The following SLC10A7 variants were observed in gnomAD, a reference collection of about 807,000 sequenced individuals.
The protein encoded by SLC10A7 is solute carrier family 10 member 7.
SLC10A7 carries 29 observed loss-of-function variants against 43.2 expected under a neutral mutation model. That is an observed-to-expected ratio of 0.67 (90% CI 0.50 to 0.92). The LOEUF (loss-of-function observed/expected upper bound fraction) is 0.92. Among genes scored for constraint, SLC10A7 ranks in the 40% least tolerant of loss-of-function variants. The pLI, the probability that SLC10A7 is intolerant of heterozygous loss-of-function variation, is 0.00. For missense variants in SLC10A7, 295 were observed against 403.2 expected (o/e 0.73, Z 2.30); for synonymous variants, 152 against 144.8 (o/e 1.05, Z -0.35).
chr4:146,345,403 A>G (rs570359284), intron 5 of SLC10A7, among the ~76,000 whole-genome samples: 2 of 152,294 alleles, frequency 1.3e-5, no homozygotes, highest in South Asian at 2.1e-4. Context: ...GACGAATATT[A>G]TAACTGTGGT....
intron 5 of SLC10A7, among the ~76,000 whole-genome samples, chr4:146,357,156 T>C (rs896608921): frequency 6.6e-6 from 1 of 152,220 alleles, no homozygotes. Context: ...CATACGTATG[T>C]ATGTGCATGT....
intron 1 of SLC10A7, 99 bp downstream of exon 1, chr4:146,521,519 G>T: frequency 1.0e-6 from 1 of 964,310 alleles, no homozygotes; most frequent in Non-Finnish European, 1.6e-6. Context: ...CCCTGAAATT[G>T]GCAAGCGCTT....
intron 4 of SLC10A7, among the ~76,000 whole-genome samples, chr4:146,464,494 T>C (rs1370776192): frequency 1.3e-5 from 2 of 152,062 alleles, no homozygotes; most frequent in Non-Finnish European, 2.9e-5. Flanking sequence ...GAACATAAAA[T>C]TTTATTAAAT....
At chr4:146,353,410 A>T (rs1735295042) in intron 5 of SLC10A7, among the ~76,000 whole-genome samples, 1 of 142,672 alleles carries the variant, frequency 7.0e-6, no homozygotes, top group Non-Finnish European at 1.5e-5. Flanking sequence ...TTACCAACCA[A>T]AAAGATTCCA....
At chr4:146,404,222 GT>G (rs1167830477) in intron 5 of SLC10A7, among the ~76,000 whole-genome samples, 3 of 151,972 alleles carry the variant, frequency 2.0e-5, no homozygotes, top group Non-Finnish European at 2.9e-5. Context: ...GTCTCCCTGG[GT>G]TTCCTAGGCT....
chr4:146,256,821 G>A (rs755886158), intron 11 of SLC10A7: 6 of 1,525,034 alleles, frequency 3.9e-6, no homozygotes, highest in Admixed American at 2.0e-5. Flanking sequence ...GGCACTCATG[G>A]ATACCTGGAG....
chr4:146,415,975 A>T (rs79874512), intron 5 of SLC10A7, among the ~76,000 whole-genome samples: 2,001 of 152,240 alleles, frequency 0.013, 18 homozygotes, highest in Non-Finnish European at 0.021. Context: ...TTTCAATCCA[A>T]TTCCAACAAA....
In SLC10A7 at chr4:146,412,272, G is replaced by C. The variant is rs552639771; in HGVS notation, c.435+30511C>G. On this transcript the variant is annotated intron_variant, in intron 5 of 11. Transcript: ENST00000335472. Reference sequence around the variant, plus strand: ...TTATCAATAGATAATTTTAAAACAAGTTACTAATTAATGTTGTCATTCTTT... The same window carrying C: ...TTATCAATAGATAATTTTAAAACAACTTACTAATTAATGTTGTCATTCTTT... 3.3e-4 allele frequency among the ~76,000 whole-genome samples: 50 copies of C among 152,190 alleles called. 1 individual carries two copies. The South Asian group carries it at 1.0e-2, about 30-fold the overall frequency.
At chr4:146,267,373 C>A (rs563945671) in intron 10 of SLC10A7, among the ~76,000 whole-genome samples, 1 of 152,242 alleles carries the variant, frequency 6.6e-6, no homozygotes, top group East Asian at 1.9e-4. Flanking sequence ...TCTGACTATT[C>A]TAGGACTTTC....
chr4:146,374,960 C>T lies in SLC10A7; in HGVS notation c.436-48964G>A, dbSNP rs145442235. Among the ~76,000 whole-genome samples, 8 of 152,244 alleles carry T rather than the reference C, an allele frequency of 5.3e-5. No individual in the cohort carries two copies. In the East Asian group the frequency reaches 9.7e-4, roughly 18 times the overall value. ...GTGGCTTACGCCTGTAATCCTAGCA[C>T]TTTGGGAGGCTGAGGCAGATGGATC... On this transcript the variant is annotated intron_variant, in intron 5 of 11. Transcript: ENST00000335472.
intron 11 of SLC10A7, 198 bp from the exon 12 acceptor site, chr4:146,256,718 C>CT: frequency 2.9e-6 from 3 of 1,035,840 alleles, no homozygotes; most frequent in Non-Finnish European, 4.2e-6. Flanking sequence ...TTGTCATTTC[C>CT]CCTCCCACAC....
intron 5 of SLC10A7, among the ~76,000 whole-genome samples, chr4:146,334,012 T>C (rs988463463): frequency 1.3e-5 from 2 of 152,034 alleles, no homozygotes; most frequent in African/African-American, 2.4e-5. Context: ...ACTGTTCAAT[T>C]AAGTTTGTGG....
intron 4 of SLC10A7, among the ~76,000 whole-genome samples, chr4:146,490,139 T>A (rs1162761708): frequency 6.6e-6 from 1 of 152,156 alleles, no homozygotes; most frequent in Non-Finnish European, 1.5e-5. Flanking sequence ...CCAGTTCTCA[T>A]TTTTCATACC....
chr4:146,464,440 T>C (rs1732821264), intron 4 of SLC10A7, among the ~76,000 whole-genome samples: 1 of 152,138 alleles, frequency 6.6e-6, no homozygotes, highest in Admixed American at 6.6e-5. Context: ...GAATACATAA[T>C]GCTTCTGTAA....
chr4:146,415,286 T>C (rs371942508), intron 5 of SLC10A7, among the ~76,000 whole-genome samples: 1 of 152,234 alleles, frequency 6.6e-6, no homozygotes, highest in South Asian at 2.1e-4. Context: ...AACTGGATTC[T>C]GGCTGTGGTT....
intron 6 of SLC10A7, among the ~76,000 whole-genome samples, chr4:146,320,740 A>AT (rs957698197): frequency 6.6e-6 from 1 of 151,632 alleles, no homozygotes; most frequent in Admixed American, 6.6e-5. Context: ...AGATGCTAAC[A>AT]TTTTTTTTGG....
chr4:146,341,892 C>A (rs1346464201), intron 5 of SLC10A7, among the ~76,000 whole-genome samples: 1 of 151,576 alleles, frequency 6.6e-6, no homozygotes, highest in African/African-American at 2.4e-5. Flanking sequence ...CCTTGTCGGC[C>A]TTAAACAAAG....
intron 5 of SLC10A7, among the ~76,000 whole-genome samples, chr4:146,403,800 CA>C (rs1296490225): frequency 6.6e-6 from 1 of 152,020 alleles, no homozygotes; most frequent in African/African-American, 2.4e-5. Context: ...GAAGAAAATC[CA>C]AACTCTTTGA....
intron 7 of SLC10A7, among the ~76,000 whole-genome samples, chr4:146,303,703 A>G (rs1731323502): frequency 6.6e-6 from 1 of 152,084 alleles, no homozygotes; most frequent in South Asian, 2.1e-4. Flanking sequence ...TTTATATTCA[A>G]TATTTCAAAG....
Sources: gnomAD v4.1 joint callset for allele counts (sites outside exome capture counted in the v4.1 genomes callset) on GRCh38, gnomAD v4.1.1 for gene constraint, MANE v1.5 for transcripts, NCBI Gene and HGNC (gene_info 2026-07-23, HGNC 2026-07-21) for gene names.